Variants in CNTNAP2 observed in about 807,000 individuals in gnomAD.
The protein encoded by CNTNAP2 is contactin-associated protein-like 2.
In CNTNAP2, 98 loss-of-function variants were observed where a neutral mutation model predicts 155.2. The ratio of observed to expected loss-of-function variants is 0.63; its 90% CI spans 0.54 to 0.75. The LOEUF (loss-of-function observed/expected upper bound fraction) is 0.75. Ranked by LOEUF, CNTNAP2 falls within the 30% of genes least tolerant of loss-of-function variation. CNTNAP2 has a pLI of 0.00. For missense variants in CNTNAP2, 1,727 were observed against 1,688.1 expected, an observed-to-expected ratio of 1.02 and a Z score of -0.40; for synonymous variants, 651 against 631.2, an observed-to-expected ratio of 1.03 and a Z score of -0.47.
intron 1 of CNTNAP2, among the ~76,000 whole-genome samples, chr7:146,724,996 G>C (rs1341595813): frequency 6.6e-6 from 1 of 152,142 alleles, no homozygotes; most frequent in African/African-American, 2.4e-5. Flanking sequence ...CTGCAACCCA[G>C]ATGTTGGCAG....
chr7:146,467,171 A>G (rs148942613), intron 1 of CNTNAP2, among the ~76,000 whole-genome samples: 476 of 152,240 alleles, frequency 3.1e-3, no homozygotes, highest in Middle Eastern at 0.01. Flanking sequence ...TTAGCGTGTT[A>G]ATTTTAATCA....
At chr7:147,424,265 C>T (rs1584940829) in intron 10 of CNTNAP2, among the ~76,000 whole-genome samples, 1 of 152,088 alleles carries the variant, frequency 6.6e-6, no homozygotes, top group Non-Finnish European at 1.5e-5. Flanking sequence ...CTTTCACTTT[C>T]TTTTGCCTCA....
At chr7:146,619,113 A>G (rs184103629) in intron 1 of CNTNAP2, among the ~76,000 whole-genome samples, 1 of 152,086 alleles carries the variant, frequency 6.6e-6, no homozygotes, top group South Asian at 2.1e-4. Context: ...ATAATAAAAA[A>G]GTCACTTTAA....
intron 8 of CNTNAP2, among the ~76,000 whole-genome samples, chr7:147,259,788 T>C (rs1352524356): frequency 6.6e-6 from 1 of 152,190 alleles, no homozygotes; most frequent in Non-Finnish European, 1.5e-5. Flanking sequence ...AGGGTCAAAT[T>C]TAAAACACCT....
intron 1 of CNTNAP2, among the ~76,000 whole-genome samples, chr7:146,380,784 C>CTTTTTTTTTTTTTTTTTTTTTT (rs56886106): frequency 2.6e-5 from 1 of 38,818 alleles, no homozygotes; most frequent in African/African-American, 7.8e-5. Context: ...TATGCACGTT[C>CTTTTTTTTTTTTTTTTTTTTTT]TTTTTTTTTT....
At chr7:148,185,455 C>T (rs1795102601) in intron 18 of CNTNAP2, among the ~76,000 whole-genome samples, 1 of 152,202 alleles carries the variant, frequency 6.6e-6, no homozygotes, top group African/African-American at 2.4e-5. Flanking sequence ...TAAAAAGCAA[C>T]TGCTACATTG....
At chr7:146,652,981 C>G (rs571276576) in intron 1 of CNTNAP2, among the ~76,000 whole-genome samples, 3 of 152,116 alleles carry the variant, frequency 2.0e-5, no homozygotes, top group Non-Finnish European at 4.4e-5. Flanking sequence ...TTTTAGTCAG[C>G]AGGGCTTAGT....
At chr7:147,191,359 A>T (rs1254349796) in intron 8 of CNTNAP2, among the ~76,000 whole-genome samples, 1 of 152,230 alleles carries the variant, frequency 6.6e-6, no homozygotes, top group Non-Finnish European at 1.5e-5. Context: ...CATTTTTATG[A>T]GAAGACAAAA....
At chr7:146,180,193 A>T (rs1405264250) in intron 1 of CNTNAP2, among the ~76,000 whole-genome samples, 1 of 152,174 alleles carries the variant, frequency 6.6e-6, no homozygotes, top group Admixed American at 6.5e-5. Flanking sequence ...AGCCTCTTTG[A>T]CTAGACACTT....
chr7:147,521,788 G>A (rs999548198), intron 11 of CNTNAP2, among the ~76,000 whole-genome samples: 15 of 152,200 alleles, frequency 9.9e-5, no homozygotes, highest in African/African-American at 2.2e-4. Flanking sequence ...GAGACCAGGC[G>A]CTTTTATGAG....
intron 13 of CNTNAP2, among the ~76,000 whole-genome samples, chr7:147,834,752 A>G (rs1456704520): frequency 6.6e-6 from 1 of 152,194 alleles, no homozygotes; most frequent in Non-Finnish European, 1.5e-5. Flanking sequence ...TTTGTCATAA[A>G]TAAATACAGT....
intron 1 of CNTNAP2, among the ~76,000 whole-genome samples, chr7:146,281,844 T>C (rs1800256844): frequency 1.3e-5 from 2 of 151,988 alleles, no homozygotes; most frequent in African/African-American, 4.8e-5. Flanking sequence ...CTTGTAAAAG[T>C]GTAACTATAT....
intron 1 of CNTNAP2, among the ~76,000 whole-genome samples, chr7:146,359,418 C>G (rs562463008): frequency 2.0e-5 from 3 of 152,188 alleles, no homozygotes; most frequent in Non-Finnish European, 4.4e-5. Flanking sequence ...TCTAACTCCA[C>G]TATGCTGTCA....
At chr7:148,101,974 AT>A (rs529372557) in intron 15 of CNTNAP2, among the ~76,000 whole-genome samples, 6 of 152,030 alleles carry the variant, frequency 3.9e-5, no homozygotes, top group Non-Finnish European at 5.9e-5. Flanking sequence ...CAAAACTTCT[AT>A]TTTTTCTAAC....
chr7:147,219,459 C>T (rs536973354), intron 8 of CNTNAP2, among the ~76,000 whole-genome samples: 4 of 152,208 alleles, frequency 2.6e-5, no homozygotes, highest in Admixed American at 6.5e-5. Context: ...TCTGATGTTC[C>T]GAGGGCAAGA....
intron 20 of CNTNAP2, among the ~76,000 whole-genome samples, chr7:148,263,789 AGCATT>A: frequency 6.6e-6 from 1 of 152,218 alleles, no homozygotes; most frequent in African/African-American, 2.4e-5. Context: ...TGTAAAATTT[AGCATT>A]TTTGGTTAAA....
intron 2 of CNTNAP2, among the ~76,000 whole-genome samples, chr7:146,797,553 T>A (rs957099549): frequency 6.6e-6 from 1 of 152,232 alleles, no homozygotes; most frequent in South Asian, 2.1e-4. Context: ...CACTAATAGC[T>A]GTTTCAAGTG....
At chr7:147,945,497 A>G (rs1312240895) in intron 14 of CNTNAP2, among the ~76,000 whole-genome samples, 1 of 152,302 alleles carries the variant, frequency 6.6e-6, no homozygotes, top group African/African-American at 2.4e-5. Context: ...TTGTGATTTA[A>G]AAGGATCAAG....
At chr7:148,021,503 A>G (rs2116918753) in intron 15 of CNTNAP2, among the ~76,000 whole-genome samples, 1 of 152,336 alleles carries the variant, frequency 6.6e-6, no homozygotes, top group East Asian at 1.9e-4. Flanking sequence ...ATCCTAAAAG[A>G]TGAGAAGCAT....
Sources: gnomAD v4.1 joint callset for allele counts (sites outside exome capture counted in the v4.1 genomes callset) on GRCh38, gnomAD v4.1.1 for gene constraint, MANE v1.5 for transcripts, NCBI Gene and HGNC (gene_info 2026-07-23, HGNC 2026-07-21) for gene names.